MAN1A2: variants seen among roughly 807,000 people sequenced by gnomAD.
MAN1A2 encodes mannosyl-oligosaccharide 1,2-alpha-mannosidase IB.
A neutral mutation model predicts 75.7 loss-of-function variants in MAN1A2; 26 were observed. The ratio of observed to expected loss-of-function variants is 0.34; its 90% CI spans 0.25 to 0.48. MAN1A2 has a LOEUF of 0.48. Among genes scored for constraint, MAN1A2 ranks in the 20% least tolerant of loss-of-function variants. MAN1A2 has a pLI of 0.99. For missense variants in MAN1A2, 562 were observed against 775.5 expected (o/e 0.72, Z 3.27); for synonymous variants, 247 against 264.6 (o/e 0.93, Z 0.65).
intron 4 of MAN1A2, among the ~76,000 whole-genome samples, chr1:117,417,977 T>C (rs1004218893): frequency 8.6e-5 from 13 of 151,766 alleles, no homozygotes; most frequent in Non-Finnish European, 2.9e-5. Flanking sequence ...GCCCAGGAGG[T>C]TGAGGCTACA....
chr1:117,405,509 A>G (rs777442131), intron 2 of MAN1A2, 40 bp from the exon 3 acceptor site: 1 of 1,304,360 alleles, frequency 7.7e-7, no homozygotes, highest in South Asian at 1.2e-5. Context: ...ACAGTTTGTG[A>G]AAAATTTAAA....
chr1:117,505,479 C>CTA (rs761089522), intron 12 of MAN1A2, among the ~76,000 whole-genome samples: 70 of 150,148 alleles, frequency 4.7e-4, no homozygotes, highest in Non-Finnish European at 8.0e-4. Flanking sequence ...GTATATCTAT[C>CTA]TATATATATA....
At chr1:117,416,305 A>G (rs1373431343) in intron 4 of MAN1A2, among the ~76,000 whole-genome samples, 5 of 152,092 alleles carry the variant, frequency 3.3e-5, no homozygotes, top group Non-Finnish European at 7.4e-5. Context: ...TTTTTTTATA[A>G]GAAGCTTGAT....
At chr1:117,381,049 T>C (rs1003265584) in intron 1 of MAN1A2, among the ~76,000 whole-genome samples, 2 of 152,164 alleles carry the variant, frequency 1.3e-5, no homozygotes, top group African/African-American at 4.8e-5. Flanking sequence ...ATGTTTATGG[T>C]TTTCAGCATA....
intron 9 of MAN1A2, among the ~76,000 whole-genome samples, chr1:117,495,319 C>T (rs1442677193): frequency 6.6e-6 from 1 of 151,520 alleles, no homozygotes; most frequent in Non-Finnish European, 1.5e-5. Flanking sequence ...GACATGATCT[C>T]AAGTATGCAG....
intron 5 of MAN1A2, among the ~76,000 whole-genome samples, chr1:117,425,341 G>A (rs1175803297): frequency 6.6e-6 from 1 of 152,098 alleles, no homozygotes; most frequent in African/African-American, 2.4e-5. Flanking sequence ...TAATTTTTCA[G>A]CTCATTCTAT....
chr1:117,496,618 T>TG, intron 9 of MAN1A2, 145 bp from the exon 10 acceptor site: 1 of 606,576 alleles, frequency 1.6e-6, no homozygotes. Flanking sequence ...CTCCGACACT[T>TG]GCTGTTAATT....
In MAN1A2 at chr1:117,460,697, T is replaced by C. The variant is rs10923305; in HGVS notation, c.1074+85T>C. Reference sequence around the variant, plus strand: ...AAGATTTGATTAATGCTTAAAAGGTTTGCCTTTCTAGATATATGTTTATTA... The same window carrying C: ...AAGATTTGATTAATGCTTAAAAGGTCTGCCTTTCTAGATATATGTTTATTA... On this transcript the variant is annotated intron_variant, in intron 7 of 12. Transcript: ENST00000356554. The C allele has an allele frequency of 7.4e-4, 1,070 of 1,442,534 alleles. 8 individuals are homozygous for C. In the African/African-American group the frequency reaches 0.014, roughly 19 times the overall value. 89.4% of individuals were successfully genotyped at this position (1,442,534 alleles called of 1,614,324 possible).
rs1301202345 is a variant in MAN1A2 at position 117,400,245 on chromosome 1, T to TGACCG, written c.303-1940_303-1936dup. ...CCTGCTGAATGACCTTTTGTGTTAC[T>TGACCG]GACCGTCTAGCCTACTTCACCTCCC... On this transcript the variant is annotated intron_variant, in intron 1 of 12. Coordinates refer to ENST00000356554, the MANE Select transcript of MAN1A2 (RefSeq NM_006699.5). Among the ~76,000 whole-genome samples, 3 of 152,180 alleles carry TGACCG rather than the reference T, an allele frequency of 2.0e-5. No individual in the cohort carries two copies. In the East Asian group the frequency reaches 5.8e-4, roughly 29 times the overall value.
chr1:117,389,286 C>T (rs1273920034), intron 1 of MAN1A2, among the ~76,000 whole-genome samples: 1 of 152,136 alleles, frequency 6.6e-6, no homozygotes, highest in Non-Finnish European at 1.5e-5. Context: ...GGACTGGTTT[C>T]ATAGAAGATA....
At chr1:117,402,571 G>T (rs964678282) in intron 2 of MAN1A2, 130 bp downstream of exon 2, 2 of 757,100 alleles carry the variant, frequency 2.6e-6, no homozygotes, top group African/African-American at 1.8e-5. Context: ...TAGTTTCCAG[G>T]TTGGTAATAA....
intron 8 of MAN1A2, among the ~76,000 whole-genome samples, chr1:117,475,440 G>A (rs1183528932): frequency 2.0e-5 from 3 of 151,408 alleles, no homozygotes; most frequent in East Asian, 2.0e-4. Flanking sequence ...AGGTATACAC[G>A]TGCCATGGTG....
intron 7 of MAN1A2, 111 bp from the exon 8 acceptor site, chr1:117,466,223 G>T (rs1649976733): frequency 1.1e-5 from 7 of 646,618 alleles, no homozygotes; most frequent in Non-Finnish European, 1.8e-5. Context: ...ACACACAAAG[G>T]CAGGGAATAG....
chr1:117,445,872 G>GTA (rs1300576603), intron 6 of MAN1A2, among the ~76,000 whole-genome samples: 1 of 114,128 alleles, frequency 8.8e-6, no homozygotes, highest in Non-Finnish European at 1.8e-5. Context: ...GTGTGTGTGT[G>GTA]TCTGTGTGTG....
At chr1:117,429,733 G>A (rs1648533778) in intron 5 of MAN1A2, among the ~76,000 whole-genome samples, 2 of 107,884 alleles carry the variant, frequency 1.9e-5, no homozygotes, top group Non-Finnish European at 3.9e-5. Flanking sequence ...CTCCCTCCCG[G>A]ACGGGGCGGC....
intron 3 of MAN1A2, among the ~76,000 whole-genome samples, chr1:117,412,982 G>T (rs902039551): frequency 6.6e-6 from 1 of 151,782 alleles, no homozygotes; most frequent in Admixed American, 6.6e-5. Context: ...ATTAAAATAA[G>T]GACACAAACA....
At chr1:117,509,416 C>A (rs903544831) in intron 12 of MAN1A2, among the ~76,000 whole-genome samples, 2 of 151,914 alleles carry the variant, frequency 1.3e-5, no homozygotes, top group Admixed American at 1.3e-4. Flanking sequence ...CTTTCAAACA[C>A]CCTAAGTGAG....
chr1:117,438,738 A>T (rs983709489), intron 5 of MAN1A2, among the ~76,000 whole-genome samples: 2 of 152,214 alleles, frequency 1.3e-5, no homozygotes, highest in African/African-American at 4.8e-5. Context: ...ATACAGTAAC[A>T]TGCTATATAG....
At chr1:117,477,039 A>G (rs1397599617) in intron 8 of MAN1A2, among the ~76,000 whole-genome samples, 1 of 152,002 alleles carries the variant, frequency 6.6e-6, no homozygotes, top group Non-Finnish European at 1.5e-5. Flanking sequence ...TTCCTTGAGC[A>G]GTGGTTTGAA....
Sources: gnomAD v4.1 joint callset for allele counts (sites outside exome capture counted in the v4.1 genomes callset) on GRCh38, gnomAD v4.1.1 for gene constraint, MANE v1.5 for transcripts, NCBI Gene and HGNC (gene_info 2026-07-23, HGNC 2026-07-21) for gene names.